The following SPOCK3 variants were observed in gnomAD, a reference collection of about 807,000 sequenced individuals.
The protein encoded by SPOCK3 is SPARC (osteonectin), cwcv and kazal like domains proteoglycan 3, also known as testican-3.
SPOCK3 carries 30 observed loss-of-function variants against 56.6 expected under a neutral mutation model. The ratio of observed to expected loss-of-function variants is 0.53; its 90% CI spans 0.40 to 0.72. The LOEUF is 0.72. Among genes scored for constraint, SPOCK3 ranks in the 30% least tolerant of loss-of-function variants. The pLI is 0.00. For missense variants in SPOCK3, 527 were observed against 530.0 expected, an observed-to-expected ratio of 0.99 and a Z score of 0.06; for synonymous variants, 196 against 183.3, an observed-to-expected ratio of 1.07 and a Z score of -0.56.
intron 6 of SPOCK3, among the ~76,000 whole-genome samples, chr4:166,841,434 T>C (rs1184962157): frequency 6.6e-6 from 1 of 152,120 alleles, no homozygotes; most frequent in Non-Finnish European, 1.5e-5. Flanking sequence ...AAAAAATTTC[T>C]TAAAGTAAGA....
chr4:166,858,860 C>T (rs1339457656), intron 6 of SPOCK3, among the ~76,000 whole-genome samples: 1 of 152,130 alleles, frequency 6.6e-6, no homozygotes, highest in Admixed American at 6.6e-5. Context: ...AATTTATACA[C>T]ACAGACACAC....
intron 2 of SPOCK3, among the ~76,000 whole-genome samples, chr4:167,079,175 A>T (rs562872251): frequency 1.6e-4 from 24 of 152,004 alleles, no homozygotes; most frequent in Non-Finnish European, 2.9e-4. Context: ...ACATTGAAAC[A>T]TCTGTGAATA....
At chr4:166,858,225 A>T (rs1325731285) in intron 6 of SPOCK3, among the ~76,000 whole-genome samples, 1 of 152,200 alleles carries the variant, frequency 6.6e-6, no homozygotes, top group Non-Finnish European at 1.5e-5. Flanking sequence ...CATCAGGTAT[A>T]AATAATTCTA....
At position 167,191,896 on chromosome 4, in the gene SPOCK3, T is replaced by C. The variant is rs1433014495; in HGVS notation, c.189+42089A>G. 2.7e-5 allele frequency among the ~76,000 whole-genome samples: 4 copies of C among 145,778 alleles called. 1 individual carries two copies. In the East Asian group the frequency reaches 8.3e-4, roughly 30 times the overall value. ...AAAACCTTCAGTTTTCACCATTTAA[T>C]ATAAGGTTGGCCACAAGCTTCTCAT... On this transcript the variant is annotated intron_variant, in intron 2 of 10. Transcript: ENST00000357545.
chr4:166,833,091 T>C (rs1389333881), intron 6 of SPOCK3, among the ~76,000 whole-genome samples: 2 of 152,170 alleles, frequency 1.3e-5, no homozygotes, highest in Non-Finnish European at 2.9e-5. Flanking sequence ...CAAACAAATA[T>C]TATATACGTG....
chr4:166,837,285 C>T (rs1172333871), intron 6 of SPOCK3, among the ~76,000 whole-genome samples: 18 of 152,042 alleles, frequency 1.2e-4, no homozygotes, highest in East Asian at 1.9e-4. Context: ...GTTCAATGCC[C>T]CTGTGAATAA....
At chr4:166,832,156 C>T (rs1032347065) in intron 6 of SPOCK3, among the ~76,000 whole-genome samples, 2 of 151,842 alleles carry the variant, frequency 1.3e-5, no homozygotes, top group Non-Finnish European at 2.9e-5. Flanking sequence ...TCAATTACGT[C>T]CCAAGGCCAA....
chr4:166,831,882 G>T (rs577764211), intron 6 of SPOCK3, among the ~76,000 whole-genome samples: 1 of 149,992 alleles, frequency 6.7e-6, no homozygotes. Context: ...TTGACTGCTC[G>T]CGTGTCTTCT....
At chr4:166,867,253 C>T (rs1005508527) in intron 6 of SPOCK3, among the ~76,000 whole-genome samples, 4 of 151,846 alleles carry the variant, frequency 2.6e-5, no homozygotes, top group Non-Finnish European at 5.9e-5. Flanking sequence ...ATAATAATAA[C>T]TATAAAGATA....
chr4:166,816,998 C>T (rs1663179649), intron 6 of SPOCK3, among the ~76,000 whole-genome samples: 2 of 152,028 alleles, frequency 1.3e-5, no homozygotes, highest in Non-Finnish European at 2.9e-5. Flanking sequence ...AATGCTTACC[C>T]TACTTACACA....
At chr4:166,914,893 C>T (rs570569135) in intron 4 of SPOCK3, among the ~76,000 whole-genome samples, 30 of 152,056 alleles carry the variant, frequency 2.0e-4, no homozygotes, top group African/African-American at 7.2e-4. Flanking sequence ...GTTCTTATTC[C>T]TTCCAGTTTT....
intron 3 of SPOCK3, among the ~76,000 whole-genome samples, chr4:167,024,392 A>G (rs1580033256): frequency 6.6e-6 from 1 of 152,192 alleles, no homozygotes; most frequent in East Asian, 1.9e-4. Context: ...CTCAAATAGT[A>G]TAAAAGGGTC....
At position 166,965,792 on chromosome 4, in the gene SPOCK3, G is replaced by A. The variant is rs138169381; in HGVS notation, c.350+34557C>T. ...AATGGATCTCAACACCCCTATTATC[G>A]ACATCCCCACTAGAGCGGTACATTT... On this transcript the variant is annotated intron_variant, in intron 4 of 10. Transcript: ENST00000357545. Among the ~76,000 whole-genome samples the A allele has an allele frequency of 1.3e-3, 191 of 151,932 alleles. 1 individual carries two copies. Among genetic ancestry groups the A allele is most frequent in the African/African-American group, 3.8e-3 (157 of 41,466 alleles).
intron 2 of SPOCK3, among the ~76,000 whole-genome samples, chr4:167,210,060 C>G (rs887272780): frequency 6.6e-6 from 1 of 152,166 alleles, no homozygotes; most frequent in African/African-American, 2.4e-5. Flanking sequence ...TTATGAAAAT[C>G]ATCAGCTTAG....
intron 2 of SPOCK3, among the ~76,000 whole-genome samples, chr4:167,188,201 C>T (rs1031615936): frequency 6.9e-6 from 1 of 145,950 alleles, no homozygotes; most frequent in Non-Finnish European, 1.5e-5. Context: ...CTAAACAGCC[C>T]GCTGTATTGA....
chr4:167,222,826 CAT>C (rs1447604253), intron 2 of SPOCK3, among the ~76,000 whole-genome samples: 12 of 121,910 alleles, frequency 9.8e-5, no homozygotes, highest in African/African-American at 4.0e-4. Flanking sequence ...AATATATAAA[CAT>C]AGATATATAT....
At chr4:167,182,321 C>T (rs951088799) in intron 2 of SPOCK3, among the ~76,000 whole-genome samples, 1 of 151,482 alleles carries the variant, frequency 6.6e-6, no homozygotes, top group African/African-American at 2.4e-5. Flanking sequence ...CTAACATGAT[C>T]CCCCCCAATC....
chr4:166,944,922 T>C (rs921075322), intron 4 of SPOCK3, among the ~76,000 whole-genome samples: 4 of 152,210 alleles, frequency 2.6e-5, no homozygotes, highest in Admixed American at 6.5e-5. Context: ...TTATTTATAT[T>C]ACTGATATGA....
At chr4:167,067,595 C>T (rs1756284875) in intron 2 of SPOCK3, among the ~76,000 whole-genome samples, 2 of 151,762 alleles carry the variant, frequency 1.3e-5, no homozygotes, top group Admixed American at 1.3e-4. Context: ...TAGCATTTCA[C>T]TTTCTTACCT....
Sources: gnomAD v4.1 joint callset for allele counts (sites outside exome capture counted in the v4.1 genomes callset) on GRCh38, gnomAD v4.1.1 for gene constraint, MANE v1.5 for transcripts, NCBI Gene and HGNC (gene_info 2026-07-23, HGNC 2026-07-21) for gene names.